SPEN: variants seen among roughly 807,000 people sequenced by gnomAD.
SPEN encodes msx2-interacting protein.
A neutral mutation model predicts 269.9 loss-of-function variants in SPEN; 18 were observed. That is an observed-to-expected ratio of 0.07 (90% CI 0.05 to 0.10). The LOEUF (loss-of-function observed/expected upper bound fraction) is 0.10. SPEN is among the 10% of genes least tolerant of loss of function. SPEN has a pLI of 1.00. For synonymous variants in SPEN, 1,726 were observed against 1,765.7 expected (o/e 0.98, Z 0.56); for missense variants, 3,822 against 4,631.2 (o/e 0.83, Z 5.07).
chr1:15,896,336 C>T (rs1002443430), intron 3 of SPEN, among the ~76,000 whole-genome samples: 9 of 151,834 alleles, frequency 5.9e-5, no homozygotes, highest in African/African-American at 2.2e-4. Context: ...GCTGGGACTG[C>T]AGGCGTGTGC....
chr1:15,894,533 G>GTTTTTTTTTTTTTTTTTT (rs35841965), intron 3 of SPEN, among the ~76,000 whole-genome samples: 2 of 136,010 alleles, frequency 1.5e-5, no homozygotes, highest in African/African-American at 5.9e-5. Flanking sequence ...CCATATTATG[G>GTTTTTTTTTTTTTTTTTT]TTGTTTTTTT....
At chr1:15,925,496 T>C (rs933694500) in intron 10 of SPEN, among the ~76,000 whole-genome samples, 3 of 152,230 alleles carry the variant, frequency 2.0e-5, no homozygotes, top group Non-Finnish European at 4.4e-5. Flanking sequence ...AAAATAAGTA[T>C]TTGTTAAGCT....
At chr1:15,867,270 G>A (rs2070523992) in intron 1 of SPEN, among the ~76,000 whole-genome samples, 2 of 152,156 alleles carry the variant, frequency 1.3e-5, no homozygotes, top group African/African-American at 4.8e-5. Flanking sequence ...CATTATGCAT[G>A]TTCTCAAGGT....
chr1:15,936,569 A>G (rs2071277178), intron 11 of SPEN, among the ~76,000 whole-genome samples: 1 of 151,094 alleles, frequency 6.6e-6, no homozygotes, highest in African/African-American at 2.4e-5. Context: ...AAATTGCTTG[A>G]GCCCTGGAGG....
At chr1:15,920,735 T>G (rs1436559805) in intron 8 of SPEN, 135 bp from the exon 9 acceptor site, 2 of 374,846 alleles carry the variant, frequency 5.3e-6, no homozygotes, top group Non-Finnish European at 9.4e-6. Flanking sequence ...CATCACACTT[T>G]TTTTTTTAAT....
chr1:15,867,326 C>T (rs2070524526), intron 1 of SPEN, among the ~76,000 whole-genome samples: 1 of 152,086 alleles, frequency 6.6e-6, no homozygotes, highest in African/African-American at 2.4e-5. Context: ...TTTTTTGTTG[C>T]TGAACAATAT....
At chr1:15,869,580 G>GTATGTATT (rs1553174984) in intron 1 of SPEN, among the ~76,000 whole-genome samples, 8 of 146,082 alleles carry the variant, frequency 5.5e-5, no homozygotes, top group Non-Finnish European at 9.0e-5. Flanking sequence ...TGTCTCTACT[G>GTATGTATT]TATTTATTTA....
At chr1:15,899,605 C>A (rs574758525) in intron 3 of SPEN, among the ~76,000 whole-genome samples, 34 of 137,446 alleles carry the variant, frequency 2.5e-4, no homozygotes, top group African/African-American at 9.2e-4. Flanking sequence ...CTCCTGGGCT[C>A]ATGCTGTCCT....
intron 3 of SPEN, among the ~76,000 whole-genome samples, chr1:15,906,036 A>G (rs1450886044): frequency 2.0e-5 from 3 of 152,182 alleles, no homozygotes; most frequent in East Asian, 1.9e-4. Context: ...GACTAAGTTG[A>G]TAAGTCACAT....
At chr1:15,926,694 CTTTT>C (rs201031337) in intron 10 of SPEN, among the ~76,000 whole-genome samples, 2 of 133,866 alleles carry the variant, frequency 1.5e-5, no homozygotes, top group Non-Finnish European at 1.6e-5. Flanking sequence ...TTCTAGTGTT[CTTTT>C]TTTTTTTTTT....
intron 10 of SPEN, among the ~76,000 whole-genome samples, chr1:15,924,538 G>A (rs1358493004): frequency 6.6e-6 from 1 of 151,892 alleles, no homozygotes; most frequent in Non-Finnish European, 1.5e-5. Context: ...TTGGCTTACC[G>A]CAACCTCTGC....
chr1:15,889,034 C>A (rs1557744388), intron 3 of SPEN, among the ~76,000 whole-genome samples: 8 of 152,112 alleles, frequency 5.3e-5, no homozygotes. Context: ...TCTCTATGGT[C>A]ATTCTTAGAA....
At chr1:15,864,945 C>T (rs937429868) in intron 1 of SPEN, among the ~76,000 whole-genome samples, 21 of 152,156 alleles carry the variant, frequency 1.4e-4, no homozygotes, top group African/African-American at 2.9e-4. Flanking sequence ...AAATCGTCCT[C>T]GCGCCTTGGC....
At chr1:15,896,663 A>C (rs1445254326) in intron 3 of SPEN, among the ~76,000 whole-genome samples, 1 of 152,214 alleles carries the variant, frequency 6.6e-6, no homozygotes, top group Non-Finnish European at 1.5e-5. Context: ...GAGAGCTTTA[A>C]GAAGTTAATT....
At chr1:15,885,261 G>A (rs910833557) in intron 3 of SPEN, among the ~76,000 whole-genome samples, 15 of 151,760 alleles carry the variant, frequency 9.9e-5, no homozygotes, top group Non-Finnish European at 1.9e-4. Flanking sequence ...GAGCCACCAC[G>A]CCCAGCCCAT....
chr1:15,923,910 C>T (rs1216641853), intron 10 of SPEN, among the ~76,000 whole-genome samples: 6 of 152,208 alleles, frequency 3.9e-5, no homozygotes, highest in East Asian at 1.9e-4. Flanking sequence ...CCTCGTGATC[C>T]GCCCGCCTTG....
chr1:15,906,485 G>A (rs138309148), intron 3 of SPEN, among the ~76,000 whole-genome samples: 1,099 of 105,008 alleles, frequency 0.01, 21 homozygotes, highest in African/African-American at 0.041. Flanking sequence ...TTTTGAGACA[G>A]TCTCGCTCTG....
Position 15,928,450 on chromosome 1 carries a change from C to A in SPEN, c.2210C>A (p.Pro737His). The change falls in exon 11 of 15, where the codon CCT becomes CAT. Residue 737 changes from proline to histidine, a missense_variant. Physicochemically the swap from Pro to His is moderately conservative, Grantham distance 77. This residue lies in a region of SPEN where 572 missense variants were observed against 582.6 expected (regional missense o/e 0.98). Transcript: ENST00000375759. This position sits in a 1 kb window ranked among gnomAD's most constrained non-coding sequence, Gnocchi z 5.7. ...GTTCACTTGCGACGTCCACAGAGTC[C>A]TGGAGCGTCTCCCTCTCAGGCAGAG... Reference protein sequence around the residue: ...SPVHLRRPQSPGASPSQAERL... With the variant: ...SPVHLRRPQSHGASPSQAERL... 2 of 1,614,110 alleles carry A rather than the reference C, an allele frequency of 1.2e-6. No individual in the cohort carries two copies. Among genetic ancestry groups the A allele is most frequent in the Non-Finnish European group, 1.7e-6 (2 of 1,180,030 alleles).
intron 3 of SPEN, among the ~76,000 whole-genome samples, chr1:15,886,671 T>A (rs2070739361): frequency 6.6e-6 from 1 of 152,220 alleles, no homozygotes; most frequent in Non-Finnish European, 1.5e-5. Flanking sequence ...TAACTTTTAG[T>A]CTTCTACCTT....
Sources: allele counts gnomAD v4.1 joint callset (sites outside exome capture counted in the v4.1 genomes callset), GRCh38; gene constraint gnomAD v4.1.1; regional missense constraint gnomAD v4.1.1; non-coding constraint Gnocchi (gnomAD v3.1); transcripts MANE v1.5; gene names NCBI Gene and HGNC (gene_info 2026-07-23, HGNC 2026-07-21).